Variants in VAT1L observed in about 807,000 individuals in gnomAD.
The protein encoded by VAT1L is vesicle amine transport 1 like.
VAT1L carries 34 observed loss-of-function variants against 44.1 expected under a neutral mutation model. The ratio of observed to expected loss-of-function variants is 0.77; its 90% CI spans 0.59 to 1.03. VAT1L has a LOEUF of 1.03. Ranked by LOEUF, VAT1L falls within the 50% of genes least tolerant of loss-of-function variation. VAT1L has a pLI of 0.00. For missense variants in VAT1L, 615 were observed against 538.8 expected (o/e 1.14, Z -1.40); for synonymous variants, 253 against 202.2 (o/e 1.25, Z -2.13).
rs2018374946 is a variant in VAT1L, at chr16:77,979,361, A to G, written c.*1666A>G. 6.6e-6 allele frequency: 1 copy of G among 152,182 alleles called. No individual in the cohort carries two copies. The highest frequency in any genetic ancestry group is 2.4e-5 in the African/African-American group (1 of 41,432). 9.4% of individuals were successfully genotyped at this position (152,182 alleles called of 1,614,324 possible). ...CAGCATCATCTTTTCTTCGTACTCC[A>G]GGACCCACCAATATTCCAGTTCTGG... On this transcript the variant is annotated 3_prime_UTR_variant, in exon 9 of 9. Coordinates refer to ENST00000302536, the MANE Select transcript of VAT1L (RefSeq NM_020927.3).
chr16:77,918,854 A>C (rs951669803), intron 7 of VAT1L, among the ~76,000 whole-genome samples: 2 of 152,186 alleles, frequency 1.3e-5, no homozygotes, highest in African/African-American at 4.8e-5. Flanking sequence ...CACCCAGCCT[A>C]AGATAGGCTC....
rs1208311404 is a variant in VAT1L at position 77,874,852 on chromosome 16, A to AT, written c.723-1518_723-1517insT. ...CAAATTAATTTGTAAAAAAAAAAAAAAAAAAAAAAAAGCCAGTCTGGCTCC... is the reference window on the plus strand; with the variant it reads ...CAAATTAATTTGTAAAAAAAAAAAAATAAAAAAAAAAAGCCAGTCTGGCTCC... On this transcript the variant is annotated intron_variant, in intron 4 of 8. Coordinates refer to ENST00000302536, the MANE Select transcript of VAT1L (RefSeq NM_020927.3). 4.6e-5 allele frequency among the ~76,000 whole-genome samples: 7 copies of AT among 150,712 alleles called. No homozygotes were observed. In the South Asian group the frequency reaches 1.5e-3, roughly 32 times the overall value.
rs557612611 is a variant in VAT1L, at chr16:77,932,819, G to A, written c.1078-39031G>A. On this transcript the variant is annotated intron_variant, in intron 7 of 8. Coordinates refer to ENST00000302536, the MANE Select transcript of VAT1L (RefSeq NM_020927.3). Reference sequence around the variant, plus strand: ...TTCTTGCCTGCCTCCTGGATTCACAGAAATCCAAAGGGAAAAAACAAAGGA... The same window carrying A: ...TTCTTGCCTGCCTCCTGGATTCACAAAAATCCAAAGGGAAAAAACAAAGGA... Among the ~76,000 whole-genome samples, 97 of 152,258 alleles carry A rather than the reference G, an allele frequency of 6.4e-4. 1 individual carries two copies. Among genetic ancestry groups the A allele is most frequent in the African/African-American group, 2.2e-3 (93 of 41,548 alleles).
chr16:77,909,393 T>G (rs2017474008), intron 7 of VAT1L, among the ~76,000 whole-genome samples: 1 of 152,090 alleles, frequency 6.6e-6, no homozygotes, highest in South Asian at 2.1e-4. Flanking sequence ...TCCCAGCATG[T>G]TGGGAGGCCT....
At chr16:77,803,488 C>T (rs988721741) in intron 1 of VAT1L, among the ~76,000 whole-genome samples, 2 of 137,334 alleles carry the variant, frequency 1.5e-5, no homozygotes, top group South Asian at 2.3e-4. Flanking sequence ...GGTGCGATCT[C>T]GGCTCACTGC....
intron 7 of VAT1L, among the ~76,000 whole-genome samples, chr16:77,956,912 T>C (rs986820779): frequency 3.9e-5 from 6 of 152,204 alleles, no homozygotes; most frequent in African/African-American, 1.4e-4. Flanking sequence ...AGACAACAGT[T>C]ATATATGGAT....
intron 8 of VAT1L, among the ~76,000 whole-genome samples, chr16:77,972,708 G>A (rs2018293460): frequency 6.6e-6 from 1 of 152,020 alleles, no homozygotes; most frequent in Non-Finnish European, 1.5e-5. Flanking sequence ...TTGAACCTGG[G>A]AGGCAGAGAT....
chr16:77,924,734 C>T (rs1397487741), intron 7 of VAT1L, among the ~76,000 whole-genome samples: 1 of 152,296 alleles, frequency 6.6e-6, no homozygotes, highest in Middle Eastern at 3.4e-3. Flanking sequence ...GCTGGGATTA[C>T]AGGCGTGAGC....
chr16:77,940,375 ACT>A (rs1373400742), intron 7 of VAT1L, among the ~76,000 whole-genome samples: 1 of 121,160 alleles, frequency 8.3e-6, no homozygotes, highest in Non-Finnish European at 1.6e-5. Flanking sequence ...ACAGACTCTC[ACT>A]CTGTCTTCCA....
intron 4 of VAT1L, among the ~76,000 whole-genome samples, chr16:77,865,055 G>A (rs886403413): frequency 1.4e-5 from 2 of 142,006 alleles, no homozygotes; most frequent in African/African-American, 2.7e-5. Context: ...CTCATTGCAA[G>A]CTCCACCTCC....
At chr16:77,952,748 C>T (rs1185148423) in intron 7 of VAT1L, among the ~76,000 whole-genome samples, 2 of 149,528 alleles carry the variant, frequency 1.3e-5, no homozygotes, top group Non-Finnish European at 3.0e-5. Context: ...GTCCCAGCTA[C>T]TCAGGAGGCT....
chr16:77,825,173 C>T (rs542375482), intron 2 of VAT1L, 73 bp from the exon 3 acceptor site: 3 of 1,553,960 alleles, frequency 1.9e-6, no homozygotes, highest in African/African-American at 2.7e-5. Flanking sequence ...GGCCAGCTCC[C>T]AGTAATTCTG....
intron 1 of VAT1L, among the ~76,000 whole-genome samples, chr16:77,796,445 G>C (rs987788040): frequency 6.6e-6 from 1 of 152,202 alleles, no homozygotes; most frequent in African/African-American, 2.4e-5. Context: ...AGAGGAAGCT[G>C]GGACTCAGGG....
intron 7 of VAT1L, among the ~76,000 whole-genome samples, chr16:77,941,628 C>T (rs2017884720): frequency 6.6e-6 from 1 of 152,132 alleles, no homozygotes; most frequent in Admixed American, 6.6e-5. Flanking sequence ...TCTTGTCACC[C>T]AGGCTGGAGT....
intron 1 of VAT1L, among the ~76,000 whole-genome samples, chr16:77,793,181 G>A (rs1444551593): frequency 1.3e-5 from 2 of 152,118 alleles, no homozygotes; most frequent in African/African-American, 4.8e-5. Context: ...GTGTGATCAT[G>A]GTTCACTGCC....
chr16:77,886,599 TG>T (rs2017212064), intron 7 of VAT1L, among the ~76,000 whole-genome samples: 1 of 152,198 alleles, frequency 6.6e-6, no homozygotes, highest in South Asian at 2.1e-4. Context: ...TGCCCAGTAC[TG>T]GGCAAATGCT....
intron 3 of VAT1L, among the ~76,000 whole-genome samples, chr16:77,862,372 T>C (rs1314792810): frequency 2.6e-5 from 4 of 152,096 alleles, no homozygotes; most frequent in Non-Finnish European, 4.4e-5. Context: ...CCTAGCACTT[T>C]AGGAGGCTGA....
rs538577571 is a variant in VAT1L, at chr16:77,901,153, C to CTT, written c.1077+16380_1077+16381dup. Reference sequence around the variant, plus strand: ...GGTAGGTGTGTGACCAGTAGTTTACCTTTTTTTTTTTTTTTTTTTTTTTTT... The same window carrying CTT: ...GGTAGGTGTGTGACCAGTAGTTTACCTTTTTTTTTTTTTTTTTTTTTTTTTTT... On this transcript the variant is annotated intron_variant, in intron 7 of 8. Coordinates refer to ENST00000302536, the MANE Select transcript of VAT1L (RefSeq NM_020927.3). Among the ~76,000 whole-genome samples, 342 of 90,036 alleles carry CTT rather than the reference C, an allele frequency of 3.8e-3. 13 individuals carry two copies. The highest frequency in any genetic ancestry group is 0.012 in the African/African-American group (249 of 20,800). 59.1% of individuals were successfully genotyped at this position (90,036 alleles called of 152,430 possible).
chr16:77,957,599 C>T (rs1356830336), intron 7 of VAT1L, among the ~76,000 whole-genome samples: 1 of 151,838 alleles, frequency 6.6e-6, no homozygotes, highest in Non-Finnish European at 1.5e-5. Context: ...GTGGCACGTG[C>T]CTGTAATCCC....
Sources: allele counts gnomAD v4.1 joint callset (sites outside exome capture counted in the v4.1 genomes callset), GRCh38; gene constraint gnomAD v4.1.1; transcripts MANE v1.5; gene names NCBI Gene and HGNC (gene_info 2026-07-23, HGNC 2026-07-21).